CIRBP: variants seen among roughly 807,000 people sequenced by gnomAD.
The protein encoded by CIRBP is cold-inducible RNA-binding protein.
In CIRBP, 11 loss-of-function variants were observed where a neutral mutation model predicts 22.3. The ratio of observed to expected loss-of-function variants is 0.49; its 90% CI spans 0.31 to 0.82. CIRBP has a LOEUF of 0.82. Among genes scored for constraint, CIRBP ranks in the 40% least tolerant of loss-of-function variants. The pLI, the probability that CIRBP is intolerant of heterozygous loss-of-function variation, is 0.05. For synonymous variants in CIRBP, 216 were observed against 158.8 expected (o/e 1.36, Z -2.71); for missense variants, 456 against 402.7 (o/e 1.13, Z -1.13).
chr19:1,271,979 AGCCG>A lies in CIRBP; in HGVS notation c.432_435del (p.Ser144ArgfsTer51). 6.2e-7 allele frequency: 1 copy of A among 1,605,046 alleles called. No individual in the cohort carries two copies. The highest frequency in any genetic ancestry group is 8.5e-7 in the Non-Finnish European group (1 of 1,172,920). The stretch of plus-strand genomic sequence containing the variant: ...GGTACTCAACGTTTGTCTGTCTTGC[AGCCG>A]GAGTCAGAGTGGTGGCTACAGTGAC... On this transcript the variant is annotated splice_acceptor_variant and coding_sequence_variant, in exon 6 of 6. Coordinates refer to ENST00000587896, the MANE Select transcript of CIRBP (RefSeq NM_001300829.2). LOFTEE classifies it high-confidence loss of function.
chr19:1,272,982 C>T lies in CIRBP; in HGVS notation c.*539C>T, dbSNP rs2081368353. On this transcript the variant is annotated 3_prime_UTR_variant, in exon 6 of 6. Transcript: ENST00000587896. ...CTGGAGCCCCAGCCCCTGCGTCCAT[C>T]TGTGCTGTGCGCCCCACAGTAGACG... 6.5e-6 allele frequency: 1 copy of T among 153,998 alleles called. No individual in the cohort carries two copies. The highest frequency in any genetic ancestry group is 2.0e-4 in the South Asian group (1 of 5,032). 9.5% of individuals were successfully genotyped at this position (153,998 alleles called of 1,614,324 possible).
At chr19:1,269,594 G>C (rs2081298206) in intron 1 of CIRBP, among the ~76,000 whole-genome samples, 184 bp downstream of exon 1, 1 of 151,638 alleles carries the variant, frequency 6.6e-6, no homozygotes, top group South Asian at 2.1e-4. Flanking sequence ...GCCTCTCCCC[G>C]CCGGTCCGGG....
chr19:1,269,766 C>T (rs2081303275), intron 1 of CIRBP: 1 of 455,604 alleles, frequency 2.2e-6, no homozygotes, highest in South Asian at 1.5e-5. Flanking sequence ...CCCCGGTCTC[C>T]AGGGCCGCTT....
intron 1 of CIRBP, among the ~76,000 whole-genome samples, chr19:1,270,579 G>A (rs368341819): frequency 6.6e-6 from 1 of 151,972 alleles, no homozygotes; most frequent in Admixed American, 6.6e-5. Context: ...ACCAGCCTGG[G>A]CAACAGAGCA....
At chr19:1,271,902 G>C in intron 5 of CIRBP, 79 bp from the exon 6 acceptor site, 1 of 1,298,594 alleles carries the variant, frequency 7.7e-7, no homozygotes, top group Admixed American at 1.9e-5. Flanking sequence ...GCTGGCATGG[G>C]GGCTGGCGGC....
rs767381015 is a variant in CIRBP, at chr19:1,272,339, C to T, written c.790C>T (p.Arg264Cys). 73 of 1,613,470 alleles carry T rather than the reference C, an allele frequency of 4.5e-5. No homozygotes were observed. Among genetic ancestry groups the T allele is most frequent in the Non-Finnish European group, 5.8e-5 (68 of 1,179,782 alleles). ...CTGTGGGGGGTGGTTGCTCCCCGGCCGCAGGCCGCGCCCTGGTCTGGCCTC... is the reference window on the plus strand; with the variant it reads ...CTGTGGGGGGTGGTTGCTCCCCGGCTGCAGGCCGCGCCCTGGTCTGGCCTC... The part of the protein sequence containing the change: ...LGCGGWLLPG[R>C]RPRPGLASGV... Residue 264 changes from arginine to cysteine, a missense_variant, in exon 6 of 6, where the codon CGC becomes TGC. Arg to Cys is a radical substitution (Grantham distance 180). This residue lies in a region of CIRBP where 426 missense variants were observed against 339.6 expected (regional missense o/e 1.25). Transcript: ENST00000587896.
Position 1,270,228 on chromosome 19 carries a change from G to C in CIRBP, c.-6-700G>C, listed in dbSNP as rs374779923. The C allele has an allele frequency of 1.7e-3, 544 of 314,798 alleles. 1 individual carries two copies. In the African/African-American group the frequency reaches 0.023, roughly 13 times the overall value. The allele number at this position is 314,798 out of a possible 1,614,324, so 19.5% of individuals were successfully genotyped here. ...CCAGGACGGGGCGGCCTCCCTGACAGCCAGCCCCCCCCCCAGTCTCAGGAG... is the reference window on the plus strand; with the variant it reads ...CCAGGACGGGGCGGCCTCCCTGACACCCAGCCCCCCCCCCAGTCTCAGGAG... On this transcript the variant is annotated intron_variant, in intron 1 of 5. Coordinates refer to ENST00000587896, the MANE Select transcript of CIRBP (RefSeq NM_001300829.2).
Position 1,270,830 on chromosome 19 carries a change from T to G in CIRBP, c.-6-98T>G, listed in dbSNP as rs1050134872. 91 of 828,706 alleles carry G rather than the reference T, an allele frequency of 1.1e-4. No homozygotes were observed. Among genetic ancestry groups the G allele is most frequent in the Non-Finnish European group, 8.2e-5 (40 of 490,106 alleles). 51.3% of individuals were successfully genotyped at this position (828,706 alleles called of 1,614,324 possible). On this transcript the variant is annotated intron_variant, in intron 1 of 5. Coordinates refer to ENST00000587896, the MANE Select transcript of CIRBP (RefSeq NM_001300829.2). ...AAAATAAAAATCTGATTTTCTAATATTTCCCCTAAAAAACACATGTCATTT... is the reference window on the plus strand; with the variant it reads ...AAAATAAAAATCTGATTTTCTAATAGTTCCCCTAAAAAACACATGTCATTT...
intron 1 of CIRBP, chr19:1,269,781 G>T: frequency 2.1e-6 from 1 of 484,328 alleles, no homozygotes; most frequent in Non-Finnish European, 4.2e-6. Flanking sequence ...CCGCTTTCCC[G>T]GCCTTGGGGC....
In CIRBP at chr19:1,271,480, A is replaced by G; in HGVS notation, c.349+13A>G. 1 of 1,604,864 alleles carries G rather than the reference A, an allele frequency of 6.2e-7. No homozygotes were observed. ...GGGTTCTCTAGAGGTGAGTGCCATG[A>G]GTGGGTCCCTTGGGGATGCTGTGAG... On this transcript the variant is annotated intron_variant, in intron 4 of 5. Transcript: ENST00000587896.
rs766809552 is a variant in CIRBP at position 1,272,152 on chromosome 19, T to C, written c.603T>C (p.Pro201=). The C allele has an allele frequency of 3.1e-6, 5 of 1,611,066 alleles. No individual in the cohort carries two copies. The East Asian group carries it at 1.1e-4, about 36-fold the overall frequency. The change falls in exon 6 of 6, where the codon CCT becomes CCC. Residue 201 remains proline, a synonymous_variant. Transcript: ENST00000587896. Reference sequence around the variant, plus strand: ...GCACTTTAGGCTGGACACTCAGACCTTGTCACTGTGCTTGCCCAGAAGAGG... The same window carrying C: ...GCACTTTAGGCTGGACACTCAGACCCTGTCACTGTGCTTGCCCAGAAGAGG... ...SPSTLGWTLR[P]CHCACPEEAH... is the part of the protein sequence containing the mutation.
chr19:1,273,083 CATCG>C lies in CIRBP; in HGVS notation c.*643_*646del, dbSNP rs2081369939. 1 of 152,240 alleles carries C rather than the reference CATCG, an allele frequency of 6.6e-6. No homozygotes were observed. Among genetic ancestry groups the C allele is most frequent in the Non-Finnish European group, 1.5e-5 (1 of 68,046 alleles). The allele number at this position is 152,240 out of a possible 1,614,324, so 9.4% of individuals were successfully genotyped here. ...TTTACTGGAAGACGTACGCATACTC[CATCG>C]ATGTTGTATTTGCAGTGGCTGAGGA... On this transcript the variant is annotated 3_prime_UTR_variant, in exon 6 of 6. Transcript: ENST00000587896.
In CIRBP at chr19:1,274,387, C is replaced by T; in HGVS notation, c.*1944C>T. ...TCTGGGGTCACTGTCCCAGGAGGGACTTCACCTGGAACAAGAGCTGGAGGC... is the reference window on the plus strand; with the variant it reads ...TCTGGGGTCACTGTCCCAGGAGGGATTTCACCTGGAACAAGAGCTGGAGGC... On this transcript the variant is annotated 3_prime_UTR_variant, in exon 6 of 6. Transcript: ENST00000587896. The T allele has an allele frequency of 2.5e-6, 1 of 400,936 alleles. No individual in the cohort carries two copies. Among genetic ancestry groups the T allele is most frequent in the Non-Finnish European group, 4.4e-6 (1 of 226,194 alleles). The allele number at this position is 400,936 out of a possible 1,614,324, so 24.8% of individuals were successfully genotyped here.
At chr19:1,270,593 C>T (rs996324509) in intron 1 of CIRBP, among the ~76,000 whole-genome samples, 1 of 151,840 alleles carries the variant, frequency 6.6e-6, no homozygotes, top group Non-Finnish European at 1.5e-5. Context: ...CAGAGCAAGA[C>T]CCCATCTCTA....
At chr19:1,270,897 C>T (rs756386198) in intron 1 of CIRBP, 31 bp from the exon 2 acceptor site, 2 of 1,421,114 alleles carry the variant, frequency 1.4e-6, no homozygotes, top group Non-Finnish European at 2.0e-6. Flanking sequence ...GAGATGACCC[C>T]TGTTGAGGAT....
rs1243542346 is a variant in CIRBP at position 1,274,417 on chromosome 19, G to A, written c.*1974G>A. 8 of 399,736 alleles carry A rather than the reference G, an allele frequency of 2.0e-5. No individual in the cohort carries two copies. Among genetic ancestry groups the A allele is most frequent in the Admixed American group, 8.8e-5 (2 of 22,674 alleles). The allele number at this position is 399,736 out of a possible 1,614,324, so 24.8% of individuals were successfully genotyped here. On this transcript the variant is annotated 3_prime_UTR_variant, in exon 6 of 6. Transcript: ENST00000587896. Reference sequence around the variant, plus strand: ...CCTGGAACAAGAGCTGGAGGCAGCCGCTTGCCCAGGAGGCTTGTCCCCTGT... The same window carrying A: ...CCTGGAACAAGAGCTGGAGGCAGCCACTTGCCCAGGAGGCTTGTCCCCTGT...
At position 1,271,169 on chromosome 19, in the gene CIRBP, A is replaced by C. The variant is rs764280874; in HGVS notation, c.133A>C (p.Arg45=). ...GGTTGTGAAAGACAGGGAGACCCAG[A>C]GATCTCGGGGATTTGGGTTTGTCAC... ...VVVVKDRETQ[R]SRGFGFVTFE... is the part of the protein sequence containing the mutation. Residue 45 remains arginine (R), a synonymous_variant, in exon 3 of 6, where the codon AGA becomes CGA. Coordinates refer to ENST00000587896, the MANE Select transcript of CIRBP (RefSeq NM_001300829.2). 14 of 1,613,936 alleles carry C rather than the reference A, an allele frequency of 8.7e-6. No individual in the cohort carries two copies. In the Admixed American group the frequency reaches 1.8e-4, roughly 21 times the overall value.
chr19:1,272,458 C>G lies in CIRBP; in HGVS notation c.*15C>G. 6.6e-7 allele frequency: 1 copy of G among 1,517,134 alleles called. No homozygotes were observed. The highest frequency in any genetic ancestry group is 8.8e-7 in the Non-Finnish European group (1 of 1,130,564). 94.0% of individuals were successfully genotyped at this position (1,517,134 alleles called of 1,614,324 possible). A position where few individuals can be genotyped will look rare whatever the true frequency, so the allele number is the denominator to read the frequency against. On this transcript the variant is annotated 3_prime_UTR_variant, in exon 6 of 6. Transcript: ENST00000587896. The stretch of plus-strand genomic sequence containing the variant: ...ACAACGAGTAAAAACCCTTCCTGCT[C>G]AAGATCGTCCTTCCAATGGCTGTGT...
chr19:1,272,243 G>C lies in CIRBP; in HGVS notation c.694G>C (p.Gly232Arg). 6.2e-7 allele frequency: 1 copy of C among 1,604,166 alleles called. No individual in the cohort carries two copies. The highest frequency in any genetic ancestry group is 1.1e-5 in the South Asian group (1 of 90,714). ...AAAGCCAAATGAGACTGACCAAAAA[G>C]GCAAGGGAGAGCGAGGGCCCGCTGG... The part of the protein sequence containing the change: ...TQKPNETDQK[G>R]KGERGPAGQS... The change falls in exon 6 of 6, where the codon GGC (glycine) becomes CGC (arginine). Residue 232 changes from glycine to arginine, a missense_variant. Coordinates refer to ENST00000587896, the MANE Select transcript of CIRBP (RefSeq NM_001300829.2).
Sources: allele counts gnomAD v4.1 joint callset (sites outside exome capture counted in the v4.1 genomes callset), GRCh38; gene constraint gnomAD v4.1.1; regional missense constraint gnomAD v4.1.1; transcripts MANE v1.5; gene names NCBI Gene and HGNC (gene_info 2026-07-23, HGNC 2026-07-21).